The following KPNA2 variants were observed in gnomAD, a reference collection of about 807,000 sequenced individuals.
KPNA2 encodes karyopherin subunit alpha 2.
KPNA2 carries 20 observed loss-of-function variants against 53.7 expected under a neutral mutation model. The ratio of observed to expected loss-of-function variants is 0.37; its 90% CI spans 0.26 to 0.54. The LOEUF is 0.54. Ranked by LOEUF, KPNA2 falls within the 20% of genes least tolerant of loss-of-function variation. The pLI, the probability that KPNA2 is intolerant of heterozygous loss-of-function variation, is 0.83. For missense variants in KPNA2, 515 were observed against 640.3 expected (o/e 0.80, Z 2.11); for synonymous variants, 238 against 227.5 (o/e 1.05, Z -0.42).
At chr17:68,038,078 G>A (rs187485632) in intron 3 of KPNA2, among the ~76,000 whole-genome samples, 2 of 152,174 alleles carry the variant, frequency 1.3e-5, no homozygotes, top group African/African-American at 4.8e-5. Context: ...CCGGGTTCAC[G>A]CCATTCTCCT....
chr17:68,043,716 G>T (rs2071292451), intron 7 of KPNA2, 122 bp from the exon 8 acceptor site: 2 of 664,932 alleles, frequency 3.0e-6, no homozygotes, highest in African/African-American at 1.8e-5. Flanking sequence ...TCAGTTGATA[G>T]TAATATTGAA....
At chr17:68,036,288 A>AT (rs2071189167) in intron 1 of KPNA2, 1 of 152,264 alleles carries the variant, frequency 6.6e-6, no homozygotes, top group South Asian at 2.1e-4. Flanking sequence ...AAGATAGCAA[A>AT]TTGTAAGGAG....
chr17:68,042,481 A>C (rs113615404), intron 5 of KPNA2, 128 bp downstream of exon 5: 49,266 of 1,009,066 alleles, frequency 0.049, 1,482 homozygotes, highest in South Asian at 0.11. Flanking sequence ...TTAGGAATGA[A>C]AGTGTCGTCT....
At chr17:68,043,666 A>G (rs1356873722) in intron 7 of KPNA2, among the ~76,000 whole-genome samples, 172 bp from the exon 8 acceptor site, 4 of 124,126 alleles carry the variant, frequency 3.2e-5, no homozygotes, top group African/African-American at 6.3e-5. Context: ...AAATCGTGCC[A>G]TTATACTCCA....
At chr17:68,037,546 A>G (rs1229992190) in intron 3 of KPNA2, 51 bp downstream of exon 3, 2 of 1,552,830 alleles carry the variant, frequency 1.3e-6, no homozygotes. Context: ...GAAAATCAGT[A>G]GGGACTTTTC....
chr17:68,040,913 T>C (rs530420108), intron 4 of KPNA2, 147 bp downstream of exon 4: 1 of 559,894 alleles, frequency 1.8e-6, no homozygotes, highest in East Asian at 3.0e-5. Context: ...TTTTTATTTA[T>C]TAATTTTTTT....
intron 1 of KPNA2, 82 bp from the exon 2 acceptor site, chr17:68,037,028 T>C: frequency 1.1e-6 from 1 of 926,840 alleles, no homozygotes. Flanking sequence ...AGTAGATGCT[T>C]GATAATTCAG....
At position 68,042,077 on chromosome 17, in the gene KPNA2, C is replaced by G. The variant is rs1294705699; in HGVS notation, c.303-8C>G. ...TCAACTTTTATTTCTCTTTTTGTTC[C>G]CCTTTAGGAAACTACTTTCCAGAGA... On this transcript the variant is annotated splice_polypyrimidine_tract_variant and splice_region_variant and intron_variant, in intron 4 of 10. Transcript: ENST00000330459. The G allele has an allele frequency of 6.2e-7, 1 of 1,600,472 alleles. No individual in the cohort carries two copies. The highest frequency in any genetic ancestry group is 8.5e-7 in the Non-Finnish European group (1 of 1,171,330).
At chr17:68,037,267 G>C in intron 2 of KPNA2, 60 bp downstream of exon 2, 1 of 1,581,756 alleles carries the variant, frequency 6.3e-7, no homozygotes, top group Non-Finnish European at 8.6e-7. Context: ...TTTGGAAAGG[G>C]GTGAAAACTG....
chr17:68,035,883 G>C (rs1555703632), intron 1 of KPNA2, 43 bp downstream of exon 1: 1 of 152,330 alleles, frequency 6.6e-6, no homozygotes, highest in African/African-American at 2.4e-5. Flanking sequence ...CTAACGGCTT[G>C]CCCGTGGGCG....
chr17:68,046,471 C>A (rs782696206), intron 10 of KPNA2, 33 bp from the exon 11 acceptor site: 6 of 1,383,870 alleles, frequency 4.3e-6, no homozygotes, highest in Admixed American at 3.6e-5. Context: ...ATACTTATAT[C>A]ATTTTTATAC....
chr17:68,045,483 G>A (rs1555705279), intron 9 of KPNA2: 2 of 277,370 alleles, frequency 7.2e-6, no homozygotes, highest in Non-Finnish European at 1.4e-5. Flanking sequence ...GGAATGTAGT[G>A]TTGTTTTAAA....
In KPNA2 at chr17:68,046,765, C is replaced by T. The variant is rs1281943437; in HGVS notation, c.*169C>T. 1.8e-5 allele frequency: 8 copies of T among 446,630 alleles called. No individual in the cohort carries two copies. In the East Asian group the frequency reaches 2.5e-4, roughly 14 times the overall value. The allele number at this position is 446,630 out of a possible 1,614,324, so 27.7% of individuals were successfully genotyped here. A position where few individuals can be genotyped will look rare whatever the true frequency, so the allele number is the denominator to read the frequency against. On this transcript the variant is annotated 3_prime_UTR_variant, in exon 11 of 11. Transcript: ENST00000330459. ...ACATACATACTGTATGAAGCTTGTC[C>T]TCTGACTAGGTTTCTAATTTCTATG... is the stretch of plus-strand genomic sequence containing the variant.
intron 2 of KPNA2, 40 bp from the exon 3 acceptor site, chr17:68,037,318 C>T (rs781792491): frequency 9.4e-6 from 15 of 1,596,648 alleles, no homozygotes; most frequent in Admixed American, 8.9e-5. Flanking sequence ...GCAACAAAAA[C>T]TGGTGTGATA....
chr17:68,045,662 G>T (rs1265554409), intron 9 of KPNA2, 110 bp from the exon 10 acceptor site: 8 of 785,438 alleles, frequency 1.0e-5, no homozygotes, highest in Non-Finnish European at 1.6e-5. Flanking sequence ...TGAAGGAATT[G>T]TTAGGTGCTT....
chr17:68,036,204 G>C (rs2071187725), intron 1 of KPNA2: 1 of 152,300 alleles, frequency 6.6e-6, no homozygotes, highest in African/African-American at 2.4e-5. Flanking sequence ...GGTGGCAGTT[G>C]GGAGCACCGT....
intron 4 of KPNA2, 52 bp downstream of exon 4, chr17:68,040,818 A>AT (rs75756883): frequency 0.3 from 275,341 of 916,426 alleles, 41,446 homozygotes; most frequent in East Asian, 0.69. Context: ...GTGTTTTTAG[A>AT]TTTTTTTTTG....
intron 5 of KPNA2, among the ~76,000 whole-genome samples, 198 bp from the exon 6 acceptor site, chr17:68,042,707 C>T (rs1380171578): frequency 6.6e-6 from 1 of 151,788 alleles, no homozygotes; most frequent in Non-Finnish European, 1.5e-5. Flanking sequence ...ACAGTGAAAC[C>T]CCACCTCTAC....
chr17:68,038,560 T>C (rs1433626918), intron 3 of KPNA2, among the ~76,000 whole-genome samples: 1 of 152,226 alleles, frequency 6.6e-6, no homozygotes, highest in Non-Finnish European at 1.5e-5. Context: ...AAATTTTTCC[T>C]GAAGTACTGC....
Sources: gnomAD v4.1 joint callset for allele counts (sites outside exome capture counted in the v4.1 genomes callset) on GRCh38, gnomAD v4.1.1 for gene constraint, MANE v1.5 for transcripts, NCBI Gene and HGNC (gene_info 2026-07-23, HGNC 2026-07-21) for gene names.